PRKCE: variants seen among roughly 807,000 people sequenced by gnomAD.
The protein encoded by PRKCE is protein kinase C epsilon, also known as protein kinase C epsilon type.
In PRKCE, 16 loss-of-function variants were observed where a neutral mutation model predicts 85.4. That is an observed-to-expected ratio of 0.19 (90% CI 0.13 to 0.28). PRKCE has a LOEUF of 0.28. PRKCE is among the 10% of genes least tolerant of loss of function. The pLI is 1.00. For missense variants in PRKCE, 573 were observed against 975.2 expected (o/e 0.59, Z 5.49); for synonymous variants, 388 against 371.5 (o/e 1.04, Z -0.51).
At chr2:45,713,978 G>A (rs1679877302) in intron 1 of PRKCE, among the ~76,000 whole-genome samples, 1 of 152,216 alleles carries the variant, frequency 6.6e-6, no homozygotes, top group South Asian at 2.1e-4. Flanking sequence ...CAAAAGGGAA[G>A]GGCATTGACA....
chr2:45,983,399 A>G (rs1044930929), intron 5 of PRKCE, among the ~76,000 whole-genome samples: 2 of 152,142 alleles, frequency 1.3e-5, no homozygotes, highest in Admixed American at 1.3e-4. Context: ...CAGCCCATGG[A>G]TGTCCTGGGT....
chr2:45,818,104 G>A (rs184352461), intron 1 of PRKCE, among the ~76,000 whole-genome samples: 12 of 152,294 alleles, frequency 7.9e-5, no homozygotes, highest in African/African-American at 2.4e-4. Flanking sequence ...TAGGCAAGGG[G>A]AATTTCATAA....
At position 45,766,967 on chromosome 2, in the gene PRKCE, G is replaced by A. The variant is rs112629672; in HGVS notation, c.349-76033G>A. Among the ~76,000 whole-genome samples the A allele has an allele frequency of 2.8e-4, 42 of 152,252 alleles. 2 individuals carry two copies. The highest frequency in any genetic ancestry group is 9.6e-4 in the African/African-American group (40 of 41,540). ...GAGGCAAGAGAATCGCTTGAACCTG[G>A]GAGGTGGAGGTTGCAGTGAGCTGAG... On this transcript the variant is annotated intron_variant, in intron 1 of 14. Coordinates refer to ENST00000306156, the MANE Select transcript of PRKCE (RefSeq NM_005400.3).
rs181594119 is a variant in PRKCE, at chr2:46,124,420, A to G, written c.1593-20673A>G. Among the ~76,000 whole-genome samples, 304 of 152,212 alleles carry G rather than the reference A, an allele frequency of 2.0e-3. 1 individual carries two copies. The highest frequency in any genetic ancestry group is 2.7e-3 in the Non-Finnish European group (183 of 67,984). On this transcript the variant is annotated intron_variant, in intron 11 of 14. Transcript: ENST00000306156. The stretch of plus-strand genomic sequence containing the variant: ...TGCTGCCTTCCGAGATGTAATAAGG[A>G]ATATGAATAGATGGCAATCTATAGA...
intron 2 of PRKCE, among the ~76,000 whole-genome samples, chr2:45,964,025 T>C (rs1701566617): frequency 6.6e-6 from 1 of 152,218 alleles, no homozygotes; most frequent in Non-Finnish European, 1.5e-5. Context: ...GAATGTGGCC[T>C]GCCACTGACT....
At chr2:45,959,892 T>C (rs760846734) in intron 2 of PRKCE, among the ~76,000 whole-genome samples, 1 of 152,202 alleles carries the variant, frequency 6.6e-6, no homozygotes, top group Non-Finnish European at 1.5e-5. Context: ...CTATGAGTTT[T>C]AATTTTCCGG....
intron 14 of PRKCE, among the ~76,000 whole-genome samples, chr2:46,179,203 G>C (rs1679727029): frequency 6.6e-6 from 1 of 152,204 alleles, no homozygotes; most frequent in African/African-American, 2.4e-5. Context: ...AAAGTCATCT[G>C]TTGATCTCCT....
intron 1 of PRKCE, among the ~76,000 whole-genome samples, chr2:45,823,088 A>G (rs761240673): frequency 2.6e-5 from 4 of 152,236 alleles, no homozygotes; most frequent in Admixed American, 6.5e-5. Context: ...TCTGTCCCCA[A>G]GGAGCCTGGG....
At chr2:45,906,204 G>A (rs139303627) in intron 2 of PRKCE, among the ~76,000 whole-genome samples, 485 of 152,334 alleles carry the variant, frequency 3.2e-3, no homozygotes, top group Admixed American at 7.2e-3. Flanking sequence ...CTGGCCTACT[G>A]GGCATCTTCT....
intron 10 of PRKCE, among the ~76,000 whole-genome samples, chr2:46,074,281 G>C (rs965833005): frequency 3.3e-5 from 5 of 152,044 alleles, no homozygotes; most frequent in Non-Finnish European, 5.9e-5. Flanking sequence ...ATATACATGA[G>C]ATTGAAAAAA....
chr2:45,708,011 G>A (rs1318372785), intron 1 of PRKCE, among the ~76,000 whole-genome samples: 3 of 152,208 alleles, frequency 2.0e-5, no homozygotes, highest in South Asian at 2.1e-4. Flanking sequence ...AGGCCTCCTC[G>A]ATGGCAGGCA....
At chr2:46,027,657 C>T (rs1261806815) in intron 10 of PRKCE, among the ~76,000 whole-genome samples, 4 of 152,148 alleles carry the variant, frequency 2.6e-5, no homozygotes, top group East Asian at 1.9e-4. Flanking sequence ...TCCAAAAATT[C>T]GAACTTTAAC....
intron 1 of PRKCE, among the ~76,000 whole-genome samples, chr2:45,671,065 A>C (rs553732562): frequency 6.6e-6 from 1 of 152,204 alleles, no homozygotes; most frequent in East Asian, 1.9e-4. Context: ...CCATACTTCA[A>C]CTGGCACTGG....
intron 10 of PRKCE, among the ~76,000 whole-genome samples, chr2:46,062,400 T>TCA (rs1401861918): frequency 6.6e-6 from 1 of 152,170 alleles, no homozygotes; most frequent in Non-Finnish European, 1.5e-5. Flanking sequence ...AGTCAGACTC[T>TCA]CTTTCAAAGT....
chr2:45,815,574 A>G (rs1688978394), intron 1 of PRKCE, among the ~76,000 whole-genome samples: 2 of 152,144 alleles, frequency 1.3e-5, no homozygotes, highest in Non-Finnish European at 2.9e-5. Flanking sequence ...GCACTTCCTG[A>G]CCAGTCACTT....
chr2:46,156,058 GGA>G (rs1491374929), intron 13 of PRKCE, among the ~76,000 whole-genome samples: 2 of 53,810 alleles, frequency 3.7e-5, no homozygotes, highest in East Asian at 3.3e-3. Context: ...TTTGTTACGT[GGA>G]AAAAAAAAAA....
chr2:45,669,416 A>C (rs1676053743), intron 1 of PRKCE, among the ~76,000 whole-genome samples: 1 of 152,186 alleles, frequency 6.6e-6, no homozygotes, highest in Admixed American at 6.5e-5. Flanking sequence ...ACTCCTTCAC[A>C]AGTCTCTCAT....
chr2:45,888,005 A>G (rs1246025247), intron 2 of PRKCE, among the ~76,000 whole-genome samples: 1 of 152,214 alleles, frequency 6.6e-6, no homozygotes, highest in Non-Finnish European at 1.5e-5. Flanking sequence ...CTGGAAGCCA[A>G]TCCACTGTTA....
intron 1 of PRKCE, among the ~76,000 whole-genome samples, chr2:45,747,187 T>C (rs34078478): frequency 0.41 from 62,149 of 152,030 alleles, 14,085 homozygotes; most frequent in East Asian, 0.59. Context: ...TTTTTGCAAA[T>C]TAAAAAAATT....
Sources: allele counts gnomAD v4.1 joint callset (sites outside exome capture counted in the v4.1 genomes callset), GRCh38; gene constraint gnomAD v4.1.1; transcripts MANE v1.5; gene names NCBI Gene and HGNC (gene_info 2026-07-23, HGNC 2026-07-21).